The following DNER variants were observed in gnomAD, a reference collection of about 807,000 sequenced individuals.
The protein encoded by DNER is delta/notch like EGF repeat containing.
A neutral mutation model predicts 78.2 loss-of-function variants in DNER; 33 were observed. The ratio of observed to expected loss-of-function variants is 0.42; its 90% CI spans 0.32 to 0.56. The LOEUF (loss-of-function observed/expected upper bound fraction) is 0.56, where lower values mean the gene tolerates loss of function less well. Among genes scored for constraint, DNER ranks in the 20% least tolerant of loss-of-function variants. The pLI, the probability that DNER is intolerant of heterozygous loss-of-function variation, is 0.11. For missense variants in DNER, 918 were observed against 975.3 expected (o/e 0.94, Z 0.78); for synonymous variants, 417 against 384.8 (o/e 1.08, Z -0.98).
intron 5 of DNER, among the ~76,000 whole-genome samples, chr2:229,525,690 G>A (rs1350193415): frequency 6.6e-6 from 1 of 152,148 alleles, no homozygotes; most frequent in African/African-American, 2.4e-5. Context: ...TCGGCTCACT[G>A]CAACCTCCAC....
intron 7 of DNER, among the ~76,000 whole-genome samples, chr2:229,471,137 G>T (rs1043612310): frequency 6.6e-6 from 1 of 151,614 alleles, no homozygotes; most frequent in Non-Finnish European, 1.5e-5. Context: ...ATGTTAGGGT[G>T]CTGGAAAAAA....
At chr2:229,510,365 A>C in intron 6 of DNER, among the ~76,000 whole-genome samples, 1 of 152,224 alleles carries the variant, frequency 6.6e-6, no homozygotes, top group East Asian at 1.9e-4. Context: ...GGATGAGGCA[A>C]AGGCCGATGC....
intron 10 of DNER, among the ~76,000 whole-genome samples, chr2:229,399,450 G>A (rs1177935679): frequency 6.6e-6 from 1 of 151,954 alleles, no homozygotes; most frequent in African/African-American, 2.4e-5. Context: ...ACTCCAAATA[G>A]TAAAGATATT....
chr2:229,482,254 C>T (rs1351234842), intron 6 of DNER, among the ~76,000 whole-genome samples: 1 of 152,208 alleles, frequency 6.6e-6, no homozygotes, highest in Non-Finnish European at 1.5e-5. Context: ...AACCTCACTG[C>T]CTCTCACCAG....
chr2:229,705,407 G>C (rs1178255930), intron 1 of DNER, among the ~76,000 whole-genome samples: 1 of 152,188 alleles, frequency 6.6e-6, no homozygotes, highest in African/African-American at 2.4e-5. Context: ...CTCAAATCCT[G>C]TTTTTCAAAA....
At position 229,388,403 on chromosome 2, in the gene DNER, A is replaced by G. The variant is rs973145183; in HGVS notation, c.1724-7T>C. 6.2e-7 allele frequency: 1 copy of G among 1,600,682 alleles called. No homozygotes were observed. Among genetic ancestry groups the G allele is most frequent in the Non-Finnish European group, 8.5e-7 (1 of 1,173,844 alleles). On this transcript the variant is annotated splice_region_variant and splice_polypyrimidine_tract_variant and intron_variant, in intron 10 of 12. Transcript: ENST00000341772. ...TCAATGTCGCACTCTTCACCTAGGG[A>G]GATAAGAAAAAGCAGTGGTGAAACC...
chr2:229,537,366 G>C (rs908138896), intron 5 of DNER, among the ~76,000 whole-genome samples: 5 of 152,156 alleles, frequency 3.3e-5, no homozygotes, highest in Admixed American at 6.5e-5. Flanking sequence ...GGACACTGCT[G>C]GGGGTGGAAG....
At chr2:229,543,693 TCCAC>T (rs577410314) in intron 5 of DNER, among the ~76,000 whole-genome samples, 103 of 152,252 alleles carry the variant, frequency 6.8e-4, no homozygotes, top group African/African-American at 2.4e-3. Context: ...CTGCCCCTCC[TCCAC>T]CCCCTGCCAG....
chr2:229,554,892 GA>G (rs1461374571), intron 4 of DNER, among the ~76,000 whole-genome samples: 16 of 87,606 alleles, frequency 1.8e-4, no homozygotes, highest in Admixed American at 1.5e-3. Flanking sequence ...GAAGAGAAGA[GA>G]AGAGAAGAGA....
intron 8 of DNER, among the ~76,000 whole-genome samples, chr2:229,439,137 G>C (rs149239341): frequency 6.6e-6 from 1 of 152,278 alleles, no homozygotes; most frequent in East Asian, 1.9e-4. Flanking sequence ...AGTTATCACC[G>C]GAGTCACAGA....
At chr2:229,541,341 T>C (rs1349568484) in intron 5 of DNER, among the ~76,000 whole-genome samples, 1 of 152,166 alleles carries the variant, frequency 6.6e-6, no homozygotes, top group African/African-American at 2.4e-5. Flanking sequence ...GAGAATCTTG[T>C]GGTGGTTAAT....
At chr2:229,577,505 G>A (rs1697324249) in intron 4 of DNER, among the ~76,000 whole-genome samples, 1 of 152,034 alleles carries the variant, frequency 6.6e-6, no homozygotes, top group African/African-American at 2.4e-5. Flanking sequence ...CGTGGTGGTG[G>A]GAGCCTGTAA....
At chr2:229,407,131 T>G in intron 10 of DNER, 101 bp downstream of exon 10, 3 of 994,252 alleles carry the variant, frequency 3.0e-6, no homozygotes, top group Non-Finnish European at 4.6e-6. Context: ...GGTGTTTATA[T>G]TTTGCAATAT....
chr2:229,458,002 G>A (rs1694612506), intron 7 of DNER, among the ~76,000 whole-genome samples: 1 of 151,362 alleles, frequency 6.6e-6, no homozygotes, highest in Admixed American at 6.6e-5. Context: ...CAGGTGTGGT[G>A]GTGTGCACCT....
At position 229,564,955 on chromosome 2, in the gene DNER, C is replaced by A. The variant is rs1022584377; in HGVS notation, c.848-17863G>T. On this transcript the variant is annotated intron_variant, in intron 4 of 12. Coordinates refer to ENST00000341772, the MANE Select transcript of DNER (RefSeq NM_139072.4). Reference sequence around the variant, plus strand: ...TGGTCATCTTCTCACTGTATCCTCACATAGCAGGAGAAGTGAGGAAGCTCT... The same window carrying A: ...TGGTCATCTTCTCACTGTATCCTCAAATAGCAGGAGAAGTGAGGAAGCTCT... Among the ~76,000 whole-genome samples the A allele has an allele frequency of 6.6e-5, 10 of 152,276 alleles. 1 individual carries two copies. The East Asian group carries it at 1.9e-3, about 29-fold the overall frequency.
In DNER at chr2:229,666,085, G is replaced by T. The variant is rs114994219; in HGVS notation, c.276+48063C>A. Among the ~76,000 whole-genome samples the T allele has an allele frequency of 2.1e-3, 315 of 152,156 alleles. 2 individuals are homozygous for T. The highest frequency in any genetic ancestry group is 7.2e-3 in the African/African-American group (301 of 41,520). On this transcript the variant is annotated intron_variant, in intron 1 of 12. Coordinates refer to ENST00000341772, the MANE Select transcript of DNER (RefSeq NM_139072.4). ...CTTCTCTTAGCAGAGATTTCCTATC[G>T]TATTTCCCATTGTATCCTGCAATGG...
chr2:229,460,357 T>A (rs1694670138), intron 7 of DNER, among the ~76,000 whole-genome samples: 1 of 151,698 alleles, frequency 6.6e-6, no homozygotes. Context: ...GAGAGCTTTT[T>A]AAAAACTATT....
intron 4 of DNER, among the ~76,000 whole-genome samples, chr2:229,556,794 G>A (rs973187553): frequency 6.6e-5 from 10 of 152,186 alleles, no homozygotes; most frequent in African/African-American, 2.4e-4. Context: ...GCAACAGTGT[G>A]TCACACATTA....
chr2:229,358,620 C>A lies in DNER; in HGVS notation c.2134G>T (p.Asp712Tyr). 6.2e-7 allele frequency: 1 copy of A among 1,613,898 alleles called. No homozygotes were observed. The highest frequency in any genetic ancestry group is 8.5e-7 in the Non-Finnish European group (1 of 1,179,904). ...TCTTCATAGGCGATGGGGCTCACATCATACATTGCAGGCCGGGATTTCTTT... is the reference window on the plus strand; with the variant it reads ...TCTTCATAGGCGATGGGGCTCACATAATACATTGCAGGCCGGGATTTCTTT... ...FGKKSRPAMY[D>Y]VSPIAYEDYS... The change falls in exon 13 of 13, where the codon GAT (aspartate) becomes TAT (tyrosine). Residue 712 changes from aspartate to tyrosine, a missense_variant. By Grantham distance (160) the Asp-to-Tyr change is radical (BLOSUM62 -3). Coordinates refer to ENST00000341772, the MANE Select transcript of DNER (RefSeq NM_139072.4).
Sources: gnomAD v4.1 joint callset for allele counts (sites outside exome capture counted in the v4.1 genomes callset) on GRCh38, gnomAD v4.1.1 for gene constraint, MANE v1.5 for transcripts, NCBI Gene and HGNC (gene_info 2026-07-23, HGNC 2026-07-21) for gene names.